Variants in KCNQ2 observed in about 807,000 individuals in gnomAD.
KCNQ2 encodes potassium voltage-gated channel subfamily Q member 2, also known as potassium voltage-gated channel subfamily KQT member 2.
Under a neutral mutation model 84.8 loss-of-function variants are expected in KCNQ2, and 14 were observed. The observed-to-expected ratio is 0.17, with a 90% confidence interval of 0.11 to 0.26. The LOEUF is 0.26. KCNQ2 is among the 10% of genes least tolerant of loss of function. KCNQ2 has a pLI of 1.00. For missense variants in KCNQ2, 788 were observed against 1,254.0 expected, an observed-to-expected ratio of 0.63 and a Z score of 5.61; for synonymous variants, 599 against 554.1, an observed-to-expected ratio of 1.08 and a Z score of -1.14.
chr20:63,455,171 G>C (rs1190799748), intron 1 of KCNQ2, among the ~76,000 whole-genome samples: 1 of 152,246 alleles, frequency 6.6e-6, no homozygotes, highest in Non-Finnish European at 1.5e-5. Flanking sequence ...AGGACGATGG[G>C]AGGACCGAGC....
intron 8 of KCNQ2, 52 bp downstream of exon 8, chr20:63,433,757 G>A (rs746605746): frequency 1.2e-6 from 2 of 1,613,278 alleles, no homozygotes; most frequent in Non-Finnish European, 1.7e-6. Flanking sequence ...AAGAACAAAT[G>A]GAAAATAAAA....
chr20:63,420,052 G>T (rs1434122127), intron 11 of KCNQ2, among the ~76,000 whole-genome samples: 1 of 152,270 alleles, frequency 6.6e-6, no homozygotes, highest in African/African-American at 2.4e-5. Context: ...CCGGGAAAGG[G>T]CGTGGGTGTG....
At chr20:63,421,420 C>T (rs767413685) in intron 11 of KCNQ2, among the ~76,000 whole-genome samples, 24 of 152,190 alleles carry the variant, frequency 1.6e-4, no homozygotes, top group Non-Finnish European at 2.8e-4. Context: ...CAGGCACAGC[C>T]CCCCAAGACC....
rs1271089209 is a variant in KCNQ2 at position 63,406,124 on chromosome 20, T to A, written c.*520A>T. 6.3e-6 allele frequency: 1 copy of A among 158,020 alleles called. No individual in the cohort carries two copies. 9.8% of individuals were successfully genotyped at this position (158,020 alleles called of 1,614,324 possible). On this transcript the variant is annotated 3_prime_UTR_variant, in exon 17 of 17. Coordinates refer to ENST00000359125, the MANE Select transcript of KCNQ2 (RefSeq NM_172107.4). Reference sequence around the variant, plus strand: ...GAAAGCCCGCCGGGCAGGTCAGGTGTGAAGGCAGAGGCCACGCACAGCGGC... The same window carrying A: ...GAAAGCCCGCCGGGCAGGTCAGGTGAGAAGGCAGAGGCCACGCACAGCGGC...
intron 10 of KCNQ2, among the ~76,000 whole-genome samples, chr20:63,424,875 A>G (rs1321976159): frequency 2.0e-5 from 3 of 152,228 alleles, no homozygotes; most frequent in Non-Finnish European, 4.4e-5. Context: ...CAGCGATCTC[A>G]TTCGAACACC....
Position 63,414,804 on chromosome 20 carries a change from A to C in KCNQ2, c.1525+99T>G. The C allele has an allele frequency of 8.4e-7, 1 of 1,185,506 alleles. No individual in the cohort carries two copies. Among genetic ancestry groups the C allele is most frequent in the Admixed American group, 1.7e-5 (1 of 59,276 alleles). The allele number at this position is 1,185,506 out of a possible 1,614,324, so 73.4% of individuals were successfully genotyped here. A position where few individuals can be genotyped will look rare whatever the true frequency, so the allele number is the denominator to read the frequency against. ...ATAGGGGGTTCCCACTCCAAGAGCA[A>C]GCAAAAGCAGCTGCGACGCCACAGG... On this transcript the variant is annotated intron_variant, in intron 13 of 16. Coordinates refer to ENST00000359125, the MANE Select transcript of KCNQ2 (RefSeq NM_172107.4). The surrounding 1 kb of genome is among the most constrained non-coding windows in gnomAD (Gnocchi z 6.6).
chr20:63,465,422 A>G (rs1408407651), intron 1 of KCNQ2, among the ~76,000 whole-genome samples: 1 of 152,148 alleles, frequency 6.6e-6, no homozygotes, highest in Non-Finnish European at 1.5e-5. Flanking sequence ...AGGAGCCATC[A>G]AGGACAGAGC....
At chr20:63,422,652 C>G (rs1208429034) in intron 11 of KCNQ2, 1 of 152,420 alleles carries the variant, frequency 6.6e-6, no homozygotes, top group Non-Finnish European at 1.5e-5. Context: ...CACCTCATCC[C>G]CAAAGAGAGG....
Position 63,419,602 on chromosome 20 carries a change from G to A in KCNQ2, c.1301+17C>T, listed in dbSNP as rs371259819. The A allele has an allele frequency of 8.7e-6, 14 of 1,605,464 alleles. No homozygotes were observed. Among genetic ancestry groups the A allele is most frequent in the South Asian group, 3.4e-5 (3 of 89,182 alleles). ...CCGTGCAGCAGCCGTCAGTCCGTGC[G>A]GCGTGTTCCGCGGTACCTAGAGCGT... On this transcript the variant is annotated intron_variant, in intron 12 of 16. Transcript: ENST00000359125.
chr20:63,419,474 G>A lies in KCNQ2; in HGVS notation c.1301+145C>T, dbSNP rs1277964326. The A allele has an allele frequency of 7.9e-6, 6 of 760,940 alleles. No homozygotes were observed. The Admixed American group carries it at 1.1e-4, about 14-fold the overall frequency. The allele number at this position is 760,940 out of a possible 1,614,324, so 47.1% of individuals were successfully genotyped here. On this transcript the variant is annotated intron_variant, in intron 12 of 16. Coordinates refer to ENST00000359125, the MANE Select transcript of KCNQ2 (RefSeq NM_172107.4). ...GCAGCTGTCGGCTAGAATAGAGGGAGCTGAGCCCGCACCGCCAGGGCGGTG... is the reference window on the plus strand; with the variant it reads ...GCAGCTGTCGGCTAGAATAGAGGGAACTGAGCCCGCACCGCCAGGGCGGTG...
intron 15 of KCNQ2, among the ~76,000 whole-genome samples, chr20:63,409,054 G>A (rs923289664): frequency 2.0e-5 from 3 of 152,272 alleles, no homozygotes; most frequent in Non-Finnish European, 4.4e-5. Flanking sequence ...TGGGGACGGA[G>A]TTAAATGTCT....
chr20:63,406,840 G>T lies in KCNQ2; in HGVS notation c.2423C>A (p.Ser808Tyr). 1.9e-6 allele frequency: 3 copies of T among 1,612,462 alleles called. No homozygotes were observed. The highest frequency in any genetic ancestry group is 2.5e-6 in the Non-Finnish European group (3 of 1,179,794). Residue 808 changes from serine to tyrosine, a missense_variant, in exon 17 of 17, where the codon TCC becomes TAC. Coordinates refer to ENST00000359125, the MANE Select transcript of KCNQ2 (RefSeq NM_172107.4). Reference protein sequence around the residue: ...LERSFSGFSISQSKENLDALN... With the variant: ...LERSFSGFSIYQSKENLDALN... ...AGCATCCAGGTTCTCCTTGGACTGGGAGATGCTGAAGCCGCTGAAGGAACG... is the reference window on the plus strand; with the variant it reads ...AGCATCCAGGTTCTCCTTGGACTGGTAGATGCTGAAGCCGCTGAAGGAACG...
At chr20:63,443,286 CCATCAT>C (rs1568937054) in intron 4 of KCNQ2, among the ~76,000 whole-genome samples, 3 of 69,378 alleles carry the variant, frequency 4.3e-5, no homozygotes, top group South Asian at 5.0e-4. Flanking sequence ...ATCACCATCA[CCATCAT>C]CACCACCACC....
Position 63,408,796 on chromosome 20 carries a change from C to G in KCNQ2, c.1764-260G>C, listed in dbSNP as rs1951552061. 6.6e-6 allele frequency among the ~76,000 whole-genome samples: 1 copy of G among 152,236 alleles called. No individual in the cohort carries two copies. ...ATTAGCGAGGAGTAAAGTAAGGACGCTCCCACCAGGGCCGAGTCGCCCGGC... is the reference window on the plus strand; with the variant it reads ...ATTAGCGAGGAGTAAAGTAAGGACGGTCCCACCAGGGCCGAGTCGCCCGGC... On this transcript the variant is annotated intron_variant, in intron 15 of 16. Transcript: ENST00000359125. This position sits in a 1 kb window ranked among gnomAD's most constrained non-coding sequence, Gnocchi z 5.0.
intron 11 of KCNQ2, among the ~76,000 whole-genome samples, chr20:63,420,349 A>G (rs2080429393): frequency 6.6e-6 from 1 of 152,220 alleles, no homozygotes; most frequent in African/African-American, 2.4e-5. Context: ...TTTCCCAAGA[A>G]TCTCCCCAAA....
rs2079984034 is a variant in KCNQ2 at position 63,407,459 on chromosome 20, G to T, written c.1888-84C>A. 1 of 1,457,046 alleles carries T rather than the reference G, an allele frequency of 6.9e-7. No homozygotes were observed. The highest frequency in any genetic ancestry group is 1.9e-5 in the Admixed American group (1 of 53,184). 90.3% of individuals were successfully genotyped at this position (1,457,046 alleles called of 1,614,324 possible). On this transcript the variant is annotated intron_variant, in intron 16 of 16. Coordinates refer to ENST00000359125, the MANE Select transcript of KCNQ2 (RefSeq NM_172107.4). This position sits in a 1 kb window ranked among gnomAD's most constrained non-coding sequence, Gnocchi z 7.2. Reference sequence around the variant, plus strand: ...CAGGCTGCTCCCAGGAAATGGGGGGGCCCAGGCTGGTTCCAGGAAACAGGA... The same window carrying T: ...CAGGCTGCTCCCAGGAAATGGGGGGTCCCAGGCTGGTTCCAGGAAACAGGA...
intron 15 of KCNQ2, among the ~76,000 whole-genome samples, chr20:63,411,243 G>A (rs560135779): frequency 6.6e-6 from 1 of 152,306 alleles, no homozygotes; most frequent in Non-Finnish European, 1.5e-5. Flanking sequence ...TATCTTCCAC[G>A]AGAGGGAAGA....
At chr20:63,428,159 G>A (rs1236703211) in intron 10 of KCNQ2, among the ~76,000 whole-genome samples, 3 of 152,076 alleles carry the variant, frequency 2.0e-5, no homozygotes, top group Admixed American at 6.5e-5. Flanking sequence ...CCCGTCCCCC[G>A]AACCAGCTGC....
At chr20:63,420,828 T>A (rs1272817717) in intron 11 of KCNQ2, among the ~76,000 whole-genome samples, 1 of 141,176 alleles carries the variant, frequency 7.1e-6, no homozygotes, top group Non-Finnish European at 1.7e-5. Flanking sequence ...CAAGCGACTT[T>A]GGGGTCCCCA....
Sources: allele counts gnomAD v4.1 joint callset (sites outside exome capture counted in the v4.1 genomes callset), GRCh38; gene constraint gnomAD v4.1.1; non-coding constraint Gnocchi (gnomAD v3.1); transcripts MANE v1.5; gene names NCBI Gene and HGNC (gene_info 2026-07-23, HGNC 2026-07-21).